Variants in SH3BGR observed in about 807,000 individuals in gnomAD.
SH3BGR encodes the protein SH3 domain-binding glutamic acid-rich protein.
A neutral mutation model predicts 24.5 loss-of-function variants in SH3BGR; 29 were observed. The observed-to-expected ratio is 1.18, with a 90% confidence interval of 0.88 to 1.61. The LOEUF (loss-of-function observed/expected upper bound fraction) is 1.61, where lower values mean the gene tolerates loss of function less well. SH3BGR is among the 40% of genes most tolerant of loss of function. The probability of loss-of-function intolerance (pLI) is 0.00; values close to 1 mark genes in which losing one functional copy is unlikely to be tolerated. For missense variants in SH3BGR, 162 were observed against 205.8 expected (o/e 0.79, Z 1.30); for synonymous variants, 55 against 65.7 (o/e 0.84, Z 0.79).
chr21:39,460,429 CA>C (rs1156433356), intron 1 of SH3BGR, among the ~76,000 whole-genome samples: 2 of 152,050 alleles, frequency 1.3e-5, no homozygotes, highest in African/African-American at 2.4e-5. Flanking sequence ...ATTTGAATTT[CA>C]TAGTAAAGTA....
chr21:39,485,711 G>A (rs1188371248), intron 3 of SH3BGR, among the ~76,000 whole-genome samples: 111 of 146,640 alleles, frequency 7.6e-4, no homozygotes, highest in African/African-American at 2.6e-3. Flanking sequence ...TTTTTGAGAC[G>A]GAGTCTCGCT....
chr21:39,509,738 G>A (rs1434742616), intron 5 of SH3BGR, among the ~76,000 whole-genome samples: 7 of 151,984 alleles, frequency 4.6e-5, no homozygotes, highest in Non-Finnish European at 7.4e-5. Context: ...GCCTCCCAAA[G>A]TGCTGGGATT....
intron 3 of SH3BGR, among the ~76,000 whole-genome samples, chr21:39,489,150 C>T (rs1037500863): frequency 6.6e-5 from 10 of 152,058 alleles, no homozygotes; most frequent in Non-Finnish European, 1.3e-4. Flanking sequence ...GATATGTGCA[C>T]GAGAGGAGTT....
At chr21:39,497,983 A>G (rs755627187) in intron 3 of SH3BGR, among the ~76,000 whole-genome samples, 7 of 152,240 alleles carry the variant, frequency 4.6e-5, no homozygotes, top group Non-Finnish European at 1.0e-4. Flanking sequence ...ACATATAAAC[A>G]TTTGGAACAC....
chr21:39,475,293 T>C (rs537004834), intron 3 of SH3BGR, 78 bp downstream of exon 3: 1 of 841,102 alleles, frequency 1.2e-6, no homozygotes, highest in East Asian at 2.4e-5. Flanking sequence ...TCCAAGACTG[T>C]TTAATACATG....
upstream of SH3BGR, chr21:39,446,988 T>G (rs1190388307): frequency 6.6e-6 from 1 of 152,168 alleles, no homozygotes; most frequent in African/African-American, 2.4e-5. Flanking sequence ...TAGGACAAGC[T>G]TTCTCTCCAT....
intron 1 of SH3BGR, among the ~76,000 whole-genome samples, chr21:39,454,809 C>A (rs2077629238): frequency 6.6e-6 from 1 of 152,174 alleles, no homozygotes; most frequent in Admixed American, 6.5e-5. Flanking sequence ...CATCCAAATA[C>A]CTACCTAGAT....
chr21:39,480,234 C>A (rs939700483), intron 3 of SH3BGR, among the ~76,000 whole-genome samples: 2 of 152,132 alleles, frequency 1.3e-5, no homozygotes, highest in South Asian at 4.1e-4. Flanking sequence ...TTAAAGTGTA[C>A]AATTCAATGG....
intron 2 of SH3BGR, among the ~76,000 whole-genome samples, chr21:39,466,234 A>G (rs2077839993): frequency 1.3e-5 from 2 of 152,186 alleles, no homozygotes; most frequent in South Asian, 2.1e-4. Context: ...TGCATAGCAT[A>G]CTTTTGCAAC....
chr21:39,478,079 A>G (rs77810010), intron 3 of SH3BGR, among the ~76,000 whole-genome samples: 137 of 152,340 alleles, frequency 9.0e-4, no homozygotes, highest in Non-Finnish European at 1.6e-3. Flanking sequence ...TGTAAAATCA[A>G]TATCTTGAAC....
chr21:39,457,363 TTATA>T (rs2077675869), intron 1 of SH3BGR, among the ~76,000 whole-genome samples: 1 of 143,538 alleles, frequency 7.0e-6, no homozygotes, highest in South Asian at 2.1e-4. Context: ...TCTATAAATC[TTATA>T]TATAAGATTA....
At chr21:39,509,090 G>C in intron 5 of SH3BGR, 63 bp downstream of exon 5, 1 of 1,366,648 alleles carries the variant, frequency 7.3e-7, no homozygotes, top group Non-Finnish European at 1.0e-6. Flanking sequence ...TTTTAGGTGG[G>C]AGGATTGCAG....
At chr21:39,483,461 G>A (rs2078162876) in intron 3 of SH3BGR, among the ~76,000 whole-genome samples, 1 of 152,140 alleles carries the variant, frequency 6.6e-6, no homozygotes, top group African/African-American at 2.4e-5. Flanking sequence ...TCTCATCGAG[G>A]CTTTTGTAGT....
intron 2 of SH3BGR, among the ~76,000 whole-genome samples, chr21:39,473,751 G>A (rs1167008637): frequency 6.6e-6 from 1 of 151,846 alleles, no homozygotes; most frequent in South Asian, 2.1e-4. Context: ...TGGGCATGAT[G>A]GCATGCACCT....
chr21:39,512,938 G>T (rs930673855), intron 6 of SH3BGR, among the ~76,000 whole-genome samples: 2 of 152,174 alleles, frequency 1.3e-5, no homozygotes, highest in Non-Finnish European at 2.9e-5. Context: ...AACTGAATTT[G>T]AGGCCATAGT....
chr21:39,476,496 G>A (rs2078030038), intron 3 of SH3BGR, among the ~76,000 whole-genome samples: 1 of 152,158 alleles, frequency 6.6e-6, no homozygotes, highest in African/African-American at 2.4e-5. Flanking sequence ...CCCACAGAGT[G>A]AAAGAGAAAA....
intron 1 of SH3BGR, among the ~76,000 whole-genome samples, chr21:39,456,641 G>A (rs1227283528): frequency 6.6e-6 from 1 of 151,910 alleles, no homozygotes; most frequent in Non-Finnish European, 1.5e-5. Context: ...AGGCATCCAC[G>A]GCACAGCTGT....
At chr21:39,455,053 C>T (rs1023160144) in intron 1 of SH3BGR, among the ~76,000 whole-genome samples, 1 of 152,194 alleles carries the variant, frequency 6.6e-6, no homozygotes, top group Non-Finnish European at 1.5e-5. Flanking sequence ...GTCTCTGGCT[C>T]GAATCCAGTG....
chr21:39,501,979 T>C (rs2078502067), intron 4 of SH3BGR, among the ~76,000 whole-genome samples: 1 of 152,156 alleles, frequency 6.6e-6, no homozygotes. Flanking sequence ...TTGAGATCAG[T>C]CTGGCCAACA....
Sources: allele counts gnomAD v4.1 joint callset (sites outside exome capture counted in the v4.1 genomes callset), GRCh38; gene constraint gnomAD v4.1.1; transcripts MANE v1.5; gene names NCBI Gene and HGNC (gene_info 2026-07-23, HGNC 2026-07-21).